ARHGEF38: variants seen among roughly 807,000 people sequenced by gnomAD.
ARHGEF38 encodes Rho guanine nucleotide exchange factor 38.
Under a neutral mutation model 79.9 loss-of-function variants are expected in ARHGEF38, and 79 were observed. That is an observed-to-expected ratio of 0.99 (90% CI 0.82 to 1.19). ARHGEF38 has a LOEUF of 1.19. Ranked by LOEUF, ARHGEF38 falls within the 50% of genes most tolerant of loss-of-function variation. The pLI is 0.00. For synonymous variants in ARHGEF38, 366 were observed against 328.3 expected, an observed-to-expected ratio of 1.11 and a Z score of -1.24; for missense variants, 962 against 907.2, an observed-to-expected ratio of 1.06 and a Z score of -0.78.
rs59437354 is a variant in ARHGEF38, at chr4:105,561,400, T to TAGAAAATAGAATGGAATAGAATAG, written c.196+8440_196+8441insGAAAATAGAATGGAATAGAATAGA. On this transcript the variant is annotated intron_variant, in intron 1 of 13. Coordinates refer to ENST00000420470, the MANE Select transcript of ARHGEF38 (RefSeq NM_001242729.2). ...CTGGAGTCTCAAAAATAGAGTAGAA[T>TAGAAAATAGAATGGAATAGAATAG]AATAGAATAGAATAGAATAGAATGG... Among the ~76,000 whole-genome samples the TAGAAAATAGAATGGAATAGAATAG allele has an allele frequency of 1.3e-4, 4 of 30,160 alleles. 1 individual carries two copies. Among genetic ancestry groups the TAGAAAATAGAATGGAATAGAATAG allele is most frequent in the African/African-American group, 5.0e-4 (4 of 8,068 alleles). 19.8% of individuals were successfully genotyped at this position (30,160 alleles called of 152,430 possible).
chr4:105,610,011 G>A (rs371789809), intron 2 of ARHGEF38, among the ~76,000 whole-genome samples: 13 of 152,090 alleles, frequency 8.5e-5, no homozygotes, highest in South Asian at 2.1e-4. Flanking sequence ...TATACACCAC[G>A]GAATACTATG....
chr4:105,597,952 A>C (rs1200158336), intron 2 of ARHGEF38, among the ~76,000 whole-genome samples: 1 of 152,094 alleles, frequency 6.6e-6, no homozygotes, highest in Non-Finnish European at 1.5e-5. Flanking sequence ...AAAATTTTAC[A>C]TGTAAGGATA....
chr4:105,601,652 G>A (rs1390800890), intron 2 of ARHGEF38, among the ~76,000 whole-genome samples: 2 of 152,020 alleles, frequency 1.3e-5, no homozygotes, highest in African/African-American at 4.8e-5. Flanking sequence ...GATGCTCCTG[G>A]GGGTGTTAAT....
At chr4:105,574,092 T>C (rs1459376272) in intron 1 of ARHGEF38, among the ~76,000 whole-genome samples, 2 of 152,196 alleles carry the variant, frequency 1.3e-5, no homozygotes, top group African/African-American at 4.8e-5. Context: ...ACTGAATTTA[T>C]TAGTTCCAAC....
chr4:105,605,225 A>G (rs1043743713), intron 2 of ARHGEF38, among the ~76,000 whole-genome samples: 1 of 152,178 alleles, frequency 6.6e-6, no homozygotes, highest in Non-Finnish European at 1.5e-5. Context: ...GGATACCAAT[A>G]TAATAACTTT....
At chr4:105,561,044 G>T (rs1460650486) in intron 1 of ARHGEF38, among the ~76,000 whole-genome samples, 1 of 152,076 alleles carries the variant, frequency 6.6e-6, no homozygotes, top group African/African-American at 2.4e-5. Flanking sequence ...GGTCAAATTT[G>T]TTTTTGTTCC....
intron 2 of ARHGEF38, among the ~76,000 whole-genome samples, chr4:105,611,501 G>A (rs1049556126): frequency 6.6e-6 from 1 of 151,872 alleles, no homozygotes; most frequent in African/African-American, 2.4e-5. Context: ...TTACATTTGA[G>A]CCATTGATAA....
intron 6 of ARHGEF38, among the ~76,000 whole-genome samples, chr4:105,647,371 C>T (rs192768489): frequency 1.1e-4 from 17 of 151,842 alleles, no homozygotes; most frequent in Non-Finnish European, 1.5e-4. Flanking sequence ...AAAACTTAAT[C>T]GTATATCATG....
At chr4:105,553,915 T>G (rs1244340906) in intron 1 of ARHGEF38, among the ~76,000 whole-genome samples, 1 of 152,168 alleles carries the variant, frequency 6.6e-6, no homozygotes. Flanking sequence ...CGATAGGACA[T>G]GCTTATATTT....
At chr4:105,667,380 G>A (rs1187208449) in intron 12 of ARHGEF38, 53 bp downstream of exon 12, 3 of 1,532,618 alleles carry the variant, frequency 2.0e-6, no homozygotes, top group Middle Eastern at 1.7e-4. Flanking sequence ...TTTTTCTGAG[G>A]GCACATGTTT....
rs142562683 is a variant in ARHGEF38 at position 105,609,680 on chromosome 4, G to A, written c.385-3704G>A. On this transcript the variant is annotated intron_variant, in intron 2 of 13. Transcript: ENST00000420470. ...TTGAGCAAAATGAACAACGCTGGAG[G>A]CATCACATTACCTGATTTTAAAACC... 9.0e-3 allele frequency among the ~76,000 whole-genome samples: 1,375 copies of A among 152,118 alleles called. 9 individuals are homozygous for A. Among genetic ancestry groups the A allele is most frequent in the Non-Finnish European group, 0.015 (1,017 of 67,964 alleles).
intron 2 of ARHGEF38, among the ~76,000 whole-genome samples, chr4:105,610,015 T>C (rs1388705078): frequency 2.0e-5 from 3 of 152,130 alleles, no homozygotes; most frequent in South Asian, 2.1e-4. Context: ...CACCACGGAA[T>C]ACTATGCAGC....
At position 105,586,569 on chromosome 4, in the gene ARHGEF38, G is replaced by T. The variant is rs529042989; in HGVS notation, c.197-2679G>T. ...GTGAAGCAGGTTAAGTTAACATTGT[G>T]ATTGAGTCCTGGAATTTAGAACTAA... On this transcript the variant is annotated intron_variant, in intron 1 of 13. Transcript: ENST00000420470. Among the ~76,000 whole-genome samples the T allele has an allele frequency of 2.0e-4, 31 of 152,266 alleles. No homozygotes were observed. In the South Asian group the frequency reaches 6.2e-3, roughly 31 times the overall value.
chr4:105,659,265 A>C lies in ARHGEF38; in HGVS notation c.1445A>C (p.Gln482Pro). Residue 482 changes from glutamine to proline, a missense_variant, in exon 10 of 14, where the codon CAG becomes CCG. By Grantham distance (76) the Gln-to-Pro change is moderately conservative. Transcript: ENST00000420470. ...QLVEELQAFN[Q>P]AARKILLNCL... ...GTGGAGGAGCTCCAGGCATTCAACC[A>C]GGCTGCTCGGAAGATTCTGTTGAAC... The C allele has an allele frequency of 6.5e-7, 1 of 1,536,128 alleles. No homozygotes were observed. Among genetic ancestry groups the C allele is most frequent in the Non-Finnish European group, 8.7e-7 (1 of 1,146,880 alleles).
At chr4:105,613,905 A>G (rs961472) in intron 3 of ARHGEF38, among the ~76,000 whole-genome samples, 18,638 of 152,076 alleles carry the variant, frequency 0.12, 1,195 homozygotes, top group Middle Eastern at 0.25. Flanking sequence ...CAATTTTTTT[A>G]GATTATAAAC....
In ARHGEF38 at chr4:105,660,982, AT is replaced by A. The variant is rs540721908; in HGVS notation, c.1545+1623del. On this transcript the variant is annotated intron_variant, in intron 10 of 13. Transcript: ENST00000420470. ...CTAAAGGAACCCTGTACCCATCCACATTTTTTCCTAACCTCCCCAGCTCTAG... is the reference window on the plus strand; with the variant it reads ...CTAAAGGAACCCTGTACCCATCCACATTTTTCCTAACCTCCCCAGCTCTAG... 2.2e-4 allele frequency among the ~76,000 whole-genome samples: 33 copies of A among 152,098 alleles called. No individual in the cohort carries two copies. In the East Asian group the frequency reaches 6.0e-3, roughly 28 times the overall value.
In ARHGEF38 at chr4:105,613,524, C is replaced by T. The variant is rs1728389373; in HGVS notation, c.508+17C>T. 4.3e-6 allele frequency: 7 copies of T among 1,610,652 alleles called. No homozygotes were observed. The highest frequency in any genetic ancestry group is 1.3e-5 in the African/African-American group (1 of 74,752). On this transcript the variant is annotated intron_variant, in intron 3 of 13. Coordinates refer to ENST00000420470, the MANE Select transcript of ARHGEF38 (RefSeq NM_001242729.2). The stretch of plus-strand genomic sequence containing the variant: ...AAGTAATTGGTATGTTTATTCTCTT[C>T]TCGAGTTCTACAATACAACAGGAAA...
chr4:105,579,814 T>A (rs1447129498), intron 1 of ARHGEF38, among the ~76,000 whole-genome samples: 1 of 152,184 alleles, frequency 6.6e-6, no homozygotes, highest in Non-Finnish European at 1.5e-5. Flanking sequence ...TAATATCAGC[T>A]TTTATTCGTA....
chr4:105,676,771 G>T (rs1731138130), intron 13 of ARHGEF38, among the ~76,000 whole-genome samples: 1 of 151,790 alleles, frequency 6.6e-6, no homozygotes, highest in Non-Finnish European at 1.5e-5. Flanking sequence ...TCATTATAAA[G>T]GTTTGGGAAA....
Sources: allele counts gnomAD v4.1 joint callset (sites outside exome capture counted in the v4.1 genomes callset), GRCh38; gene constraint gnomAD v4.1.1; transcripts MANE v1.5; gene names NCBI Gene and HGNC (gene_info 2026-07-23, HGNC 2026-07-21).